The following TTLL5 variants were observed in gnomAD, a reference collection of about 807,000 sequenced individuals.
TTLL5 encodes tubulin tyrosine ligase like 5.
A neutral mutation model predicts 168.4 loss-of-function variants in TTLL5; 132 were observed. The ratio of observed to expected loss-of-function variants is 0.78; its 90% CI spans 0.68 to 0.91. The LOEUF is 0.91. Among genes scored for constraint, TTLL5 ranks in the 40% least tolerant of loss-of-function variants. The pLI, the probability that TTLL5 is intolerant of heterozygous loss-of-function variation, is 0.00. For synonymous variants in TTLL5, 546 were observed against 558.6 expected, an observed-to-expected ratio of 0.98 and a Z score of 0.32; for missense variants, 1,545 against 1,581.5, an observed-to-expected ratio of 0.98 and a Z score of 0.39.
At chr14:75,699,730 T>C (rs759018406) in intron 7 of TTLL5, among the ~76,000 whole-genome samples, 12 of 152,188 alleles carry the variant, frequency 7.9e-5, no homozygotes, top group Non-Finnish European at 1.6e-4. Flanking sequence ...TCCTTCCTCT[T>C]TCCTTTCCTC....
At chr14:75,730,867 C>T (rs573514433) in intron 12 of TTLL5, among the ~76,000 whole-genome samples, 4 of 152,024 alleles carry the variant, frequency 2.6e-5, no homozygotes, top group Non-Finnish European at 4.4e-5. Context: ...TTACAGGTGC[C>T]TGCCACCACG....
chr14:75,694,972 A>G (rs1885735810), intron 6 of TTLL5, among the ~76,000 whole-genome samples: 1 of 152,236 alleles, frequency 6.6e-6, no homozygotes, highest in Non-Finnish European at 1.5e-5. Flanking sequence ...GTGTTTAAAC[A>G]ATATGAAATC....
chr14:75,744,582 C>G (rs978848112), intron 15 of TTLL5: 18 of 152,690 alleles, frequency 1.2e-4, no homozygotes, highest in African/African-American at 4.1e-4. Flanking sequence ...CTCAATATTT[C>G]CCCCTCAAAT....
At chr14:75,900,918 A>G (rs1028362395) in intron 30 of TTLL5, among the ~76,000 whole-genome samples, 1 of 152,226 alleles carries the variant, frequency 6.6e-6, no homozygotes, top group Admixed American at 6.5e-5. Context: ...GCTTTAACGT[A>G]TCTCCTCACT....
intron 27 of TTLL5, among the ~76,000 whole-genome samples, chr14:75,809,494 A>G (rs972151980): frequency 6.6e-6 from 1 of 152,208 alleles, no homozygotes; most frequent in African/African-American, 2.4e-5. Context: ...GTTTAGATAC[A>G]TCTATACAAT....
chr14:75,720,453 A>G (rs1042024094), intron 11 of TTLL5, 143 bp from the exon 12 acceptor site: 30 of 647,502 alleles, frequency 4.6e-5, no homozygotes, highest in Non-Finnish European at 7.1e-5. Flanking sequence ...GCCTGCCTCT[A>G]TAGCACCCAT....
Position 75,783,147 on chromosome 14 carries a change from G to A in TTLL5, c.2603G>A (p.Arg868Gln). ...TCTTGTTTTGTTTTGTTTTTAATAGGATTTACCACTTCAGCAGAAAAAGAG... is the reference window on the plus strand; with the variant it reads ...TCTTGTTTTGTTTTGTTTTTAATAGAATTTACCACTTCAGCAGAAAAAGAG... Reference protein sequence around the residue: ...TTEIHSDKLSRFTTSAEKEAK... With the variant: ...TTEIHSDKLSQFTTSAEKEAK... The change falls in exon 26 of 32, where the codon CGA becomes CAA. Residue 868 changes from arginine to glutamine, a missense_variant and splice_region_variant. Physicochemically the swap from Arg to Gln is conservative, Grantham distance 43. Coordinates refer to ENST00000298832, the MANE Select transcript of TTLL5 (RefSeq NM_015072.5). 6.2e-7 allele frequency: 1 copy of A among 1,604,536 alleles called. No homozygotes were observed. Among genetic ancestry groups the A allele is most frequent in the Non-Finnish European group, 8.5e-7 (1 of 1,177,940 alleles).
intron 3 of TTLL5, among the ~76,000 whole-genome samples, chr14:75,673,813 C>T (rs753743332): frequency 3.9e-5 from 6 of 152,162 alleles, no homozygotes; most frequent in Non-Finnish European, 7.3e-5. Context: ...CCCAAGGATC[C>T]TTGTGTTCTA....
chr14:75,948,650 A>T (rs2034853993), intron 31 of TTLL5, among the ~76,000 whole-genome samples: 1 of 152,152 alleles, frequency 6.6e-6, no homozygotes, highest in Non-Finnish European at 1.5e-5. Context: ...AAGAAAAACA[A>T]AATAAGTCAA....
chr14:75,850,892 C>T (rs1896808681), intron 28 of TTLL5, among the ~76,000 whole-genome samples: 1 of 151,614 alleles, frequency 6.6e-6, no homozygotes, highest in Non-Finnish European at 1.5e-5. Flanking sequence ...TCCAGGAGTT[C>T]AAGACCAGCC....
intron 28 of TTLL5, among the ~76,000 whole-genome samples, chr14:75,830,787 G>C (rs1355450801): frequency 6.6e-6 from 1 of 152,136 alleles, no homozygotes; most frequent in South Asian, 2.1e-4. Context: ...ACTTATTGAT[G>C]TACAAATATT....
chr14:75,798,333 T>C (rs1893102546), intron 27 of TTLL5, among the ~76,000 whole-genome samples: 1 of 152,080 alleles, frequency 6.6e-6, no homozygotes, highest in African/African-American at 2.4e-5. Context: ...ATCTTCTCTC[T>C]TCTTTTCTTC....
Position 75,771,787 on chromosome 14 carries a change from G to A in TTLL5, c.2069G>A (p.Arg690His), listed in dbSNP as rs774055306. The A allele has an allele frequency of 5.6e-6, 9 of 1,613,956 alleles. No individual in the cohort carries two copies. The highest frequency in any genetic ancestry group is 1.3e-5 in the African/African-American group (1 of 75,018). ...GCCTATCTCCAGCATGTTCAAATTC[G>A]CCTGATGAAAGACAGTGGCGGTCAG... is the stretch of plus-strand genomic sequence containing the variant. Reference protein sequence around the residue: ...FSAYLQHVQIRLMKDSGGQTF... With the variant: ...FSAYLQHVQIHLMKDSGGQTF... The change falls in exon 21 of 32, where the codon CGC (arginine) becomes CAC (histidine). Residue 690 changes from arginine (R) to histidine (H), a missense_variant. Transcript: ENST00000298832.
chr14:75,697,667 G>A (rs1462158406), intron 6 of TTLL5, among the ~76,000 whole-genome samples: 1 of 152,164 alleles, frequency 6.6e-6, no homozygotes, highest in Non-Finnish European at 1.5e-5. Flanking sequence ...AGCTCCTTCT[G>A]AAGACCTGCC....
At chr14:75,855,150 G>GAAAAAAAAAAAA in intron 28 of TTLL5, among the ~76,000 whole-genome samples, 1 of 130,498 alleles carries the variant, frequency 7.7e-6, no homozygotes, top group Non-Finnish European at 1.6e-5. Context: ...TATGCTAGAA[G>GAAAAAAAAAAAA]AAAAAAAAAA....
At chr14:75,775,354 G>C in intron 21 of TTLL5, 130 bp from the exon 22 acceptor site, 2 of 1,036,960 alleles carry the variant, frequency 1.9e-6, no homozygotes, top group Non-Finnish European at 2.7e-6. Context: ...TTTTTGTTCT[G>C]GGTCTTGTTT....
chr14:75,700,036 T>C (rs78580423), intron 7 of TTLL5, among the ~76,000 whole-genome samples: 3,579 of 152,338 alleles, frequency 0.023, 141 homozygotes, highest in African/African-American at 0.081. Context: ...GTTTATGTTT[T>C]AAACAATAAT....
intron 28 of TTLL5, among the ~76,000 whole-genome samples, chr14:75,846,167 G>A (rs1011943760): frequency 6.6e-6 from 1 of 152,176 alleles, no homozygotes; most frequent in African/African-American, 2.4e-5. Context: ...TTACAATTTA[G>A]ACTAAATTTT....
At chr14:75,939,297 G>A (rs2034525261) in intron 31 of TTLL5, among the ~76,000 whole-genome samples, 1 of 152,318 alleles carries the variant, frequency 6.6e-6, no homozygotes, top group South Asian at 2.1e-4. Context: ...TGCATTCAGT[G>A]GCAATGTGAG....
Sources: allele counts gnomAD v4.1 joint callset (sites outside exome capture counted in the v4.1 genomes callset), GRCh38; gene constraint gnomAD v4.1.1; transcripts MANE v1.5; gene names NCBI Gene and HGNC (gene_info 2026-07-23, HGNC 2026-07-21).